The following YDJC variants were observed in gnomAD, a reference collection of about 807,000 sequenced individuals.
The protein encoded by YDJC is YdjC chitooligosaccharide deacetylase homolog, also known as carbohydrate deacetylase.
A neutral mutation model predicts 18.9 loss-of-function variants in YDJC; 23 were observed. The observed-to-expected ratio is 1.22, with a 90% CI of 0.87 to 1.72. The LOEUF (loss-of-function observed/expected upper bound fraction) is 1.72, where lower values mean the gene tolerates loss of function less well. Ranked by LOEUF, YDJC falls within the 40% of genes most tolerant of loss-of-function variation. The pLI, the probability that YDJC is intolerant of heterozygous loss-of-function variation, is 0.00. For synonymous variants in YDJC, 224 were observed against 217.6 expected (o/e 1.03, Z -0.26); for missense variants, 467 against 470.8 (o/e 0.99, Z 0.07).
chr22:21,628,869 TGGGA>T, intron 4 of YDJC, 82 bp from the exon 5 acceptor site: 1 of 418,806 alleles, frequency 2.4e-6, no homozygotes, highest in Non-Finnish European at 3.6e-6. Context: ...GACGGCGGGG[TGGGA>T]GGGGGTAACT....
At position 21,628,264 on chromosome 22, in the gene YDJC, G is replaced by C; in HGVS notation, c.*154C>G. The C allele has an allele frequency of 9.3e-7, 1 of 1,076,948 alleles. No homozygotes were observed. Among genetic ancestry groups the C allele is most frequent in the Non-Finnish European group, 1.3e-6 (1 of 794,322 alleles). The allele number at this position is 1,076,948 out of a possible 1,614,324, so 66.7% of individuals were successfully genotyped here. A position where few individuals can be genotyped will look rare whatever the true frequency, so the allele number is the denominator to read the frequency against. ...CTGCTCAAACTCTAGATGCCATTTG[G>C]AGGCATGAGGACCTGAGCCCAGAGG... is the stretch of plus-strand genomic sequence containing the variant. On this transcript the variant is annotated 3_prime_UTR_variant, in exon 5 of 5. Coordinates refer to ENST00000292778, the MANE Select transcript of YDJC (RefSeq NM_001017964.2).
At chr22:21,629,817 C>T in intron 1 of YDJC, 34 bp downstream of exon 1, 7 of 1,497,718 alleles carry the variant, frequency 4.7e-6, no homozygotes, top group Non-Finnish European at 6.2e-6. Flanking sequence ...GCGCCCCAAG[C>T]CGATCGCCGC....
rs200854366 is a variant in YDJC at position 21,629,404 on chromosome 22, G to C, written c.328C>G (p.Arg110Gly). The C allele has an allele frequency of 6.5e-4, 1,004 of 1,547,482 alleles. 6 individuals are homozygous for C. The African/African-American group carries it at 0.012, about 18-fold the overall frequency. ...CTTAGTTGGGCCTCGAGCTCCTCCC[G>C]CACCTAGAGGGCGAGCGAGAGACAC... is the stretch of plus-strand genomic sequence containing the variant. ...AAGDVDLPQV[R>G]EELEAQLSCF... Residue 110 changes from arginine (R) to glycine (G), a missense_variant, in exon 3 of 5, where the codon CGG (arginine) becomes GGG (glycine). Coordinates refer to ENST00000292778, the MANE Select transcript of YDJC (RefSeq NM_001017964.2).
At position 21,629,854 on chromosome 22, in the gene YDJC, C is replaced by A. The variant is rs1038790449; in HGVS notation, c.161G>T (p.Arg54Leu). The A allele has an allele frequency of 6.4e-7, 1 of 1,553,588 alleles. No homozygotes were observed. The highest frequency in any genetic ancestry group is 8.7e-7 in the Non-Finnish European group (1 of 1,155,074). The stretch of plus-strand genomic sequence containing the variant: ...CTGCTAGAGGCCCTCCCCTCACCTG[C>A]GGGCCAGCTCCGCCGCGCTCTCCGT... ...AATESAAELA[R>L]RHSIPTGLHA... The change falls in exon 1 of 5, where the codon CGC becomes CTC. Residue 54 changes from arginine (R) to leucine (L), a missense_variant. Arg to Leu is a moderately radical substitution (Grantham distance 102). Coordinates refer to ENST00000292778, the MANE Select transcript of YDJC (RefSeq NM_001017964.2).
Position 21,629,719 on chromosome 22 carries a change from G to T in YDJC, c.207C>A (p.Gly69=), listed in dbSNP as rs1235607487. ...CACGGCGGGCCGGACCCACGGGGCG[G>T]CCCTCGGACAGGTTGGCGTGGAGGC... ...PTGLHANLSE[G]RPVGPARRGA... The change falls in exon 2 of 5, where the codon GGC becomes GGA. Residue 69 remains glycine (G), a synonymous_variant. Coordinates refer to ENST00000292778, the MANE Select transcript of YDJC (RefSeq NM_001017964.2). The T allele has an allele frequency of 1.1e-5, 18 of 1,574,750 alleles. No homozygotes were observed. In the East Asian group the frequency reaches 3.5e-4, roughly 30 times the overall value.
chr22:21,629,975 C>T lies in YDJC; in HGVS notation c.40G>A (p.Asp14Asn). The stretch of plus-strand genomic sequence containing the variant: ...TCGCGTCGCGGGCAGTAACCAAAGT[C>T]GTCCGCGGTGACCACCAGGCGCATG... ...PRMRLVVTAD[D>N]FGYCPRRDEG... The change falls in exon 1 of 5, where the codon GAC (aspartate) becomes AAC (asparagine). Residue 14 changes from aspartate (D) to asparagine (N), a missense_variant. Asp to Asn is a conservative substitution (Grantham distance 23). Coordinates refer to ENST00000292778, the MANE Select transcript of YDJC (RefSeq NM_001017964.2). The T allele has an allele frequency of 6.2e-7, 1 of 1,603,034 alleles. No homozygotes were observed. The highest frequency in any genetic ancestry group is 8.5e-7 in the Non-Finnish European group (1 of 1,178,000).
Position 21,628,476 on chromosome 22 carries a change from C to G in YDJC, c.914G>C (p.Gly305Ala). 1 of 1,604,052 alleles carries G rather than the reference C, an allele frequency of 6.2e-7. No homozygotes were observed. The highest frequency in any genetic ancestry group is 1.1e-5 in the South Asian group (1 of 89,844). Residue 305 changes from glycine to alanine, a missense_variant, in exon 5 of 5, where the codon GGG becomes GCG. Gly to Ala is a moderately conservative substitution (Grantham distance 60). Transcript: ENST00000292778. ...ALDDLDSKRP[G>A]EEVPCEPTLE... ...AGTGGGCTCACAGGGGACCTCCTCCCCTGGCCTCTTGGAGTCCAGGTCGTC... is the reference window on the plus strand; with the variant it reads ...AGTGGGCTCACAGGGGACCTCCTCCGCTGGCCTCTTGGAGTCCAGGTCGTC...
At chr22:21,628,854 G>A in intron 4 of YDJC, 67 bp from the exon 5 acceptor site, 2 of 1,044,476 alleles carry the variant, frequency 1.9e-6, no homozygotes, top group Non-Finnish European at 2.5e-6. Context: ...GTAGGCTAGG[G>A]AAGGGACGGC....
In YDJC at chr22:21,628,553, C is replaced by T. The variant is rs376070022; in HGVS notation, c.837G>A (p.Ala279=). 1 of 1,611,196 alleles carries T rather than the reference C, an allele frequency of 6.2e-7. No homozygotes were observed. Among genetic ancestry groups the T allele is most frequent in the African/African-American group, 1.3e-5 (1 of 74,908 alleles). ...ERLHELRVLT[A]PTLRAQLAQD... The stretch of plus-strand genomic sequence containing the variant: ...GGGCAAGCTGGGCCCGCAGCGTGGG[C>T]GCGGTGAGGACGCGCAGCTCATGCA... Residue 279 remains alanine (A), a synonymous_variant, in exon 5 of 5, where the codon GCG becomes GCA. Transcript: ENST00000292778.
Position 21,628,334 on chromosome 22 carries a change from C to A in YDJC, c.*84G>T. Reference sequence around the variant, plus strand: ...GAAGTCAACAGATCGTGCTCCAGGTCCCAGCTCTGGGCTGGGCCAGGACTA... The same window carrying A: ...GAAGTCAACAGATCGTGCTCCAGGTACCAGCTCTGGGCTGGGCCAGGACTA... On this transcript the variant is annotated 3_prime_UTR_variant, in exon 5 of 5. Coordinates refer to ENST00000292778, the MANE Select transcript of YDJC (RefSeq NM_001017964.2). The A allele has an allele frequency of 6.9e-7, 1 of 1,455,768 alleles. No individual in the cohort carries two copies. The allele number at this position is 1,455,768 out of a possible 1,614,324, so 90.2% of individuals were successfully genotyped here. A position where few individuals can be genotyped will look rare whatever the true frequency, so the allele number is the denominator to read the frequency against.
chr22:21,628,226 G>T lies in YDJC; in HGVS notation c.*192C>A. ...CCGCTGCCACAGGCTAGGCCTGCCTGCAGCCAAGAAGGCTGCTCAAACTCT... is the reference window on the plus strand; with the variant it reads ...CCGCTGCCACAGGCTAGGCCTGCCTTCAGCCAAGAAGGCTGCTCAAACTCT... On this transcript the variant is annotated 3_prime_UTR_variant, in exon 5 of 5. Transcript: ENST00000292778. 1.3e-6 allele frequency: 1 copy of T among 775,524 alleles called. No individual in the cohort carries two copies. The highest frequency in any genetic ancestry group is 1.9e-6 in the Non-Finnish European group (1 of 539,344). The allele number at this position is 775,524 out of a possible 1,614,324, so 48.0% of individuals were successfully genotyped here. A position where few individuals can be genotyped will look rare whatever the true frequency, so the allele number is the denominator to read the frequency against.
In YDJC at chr22:21,629,131, G is replaced by A; in HGVS notation, c.481C>T (p.Leu161=). ...CCACCCACACCGCGCTCCAGCGGCA[G>A]TCGCGTAAAGCGCACCCCATAGGCC... ...LQAYGVRFTR[L]PLERGVGGCT... Residue 161 remains leucine (L), a synonymous_variant, in exon 4 of 5, where the codon CTG becomes TTG. Coordinates refer to ENST00000292778, the MANE Select transcript of YDJC (RefSeq NM_001017964.2). 1.3e-6 allele frequency: 2 copies of A among 1,539,198 alleles called. 1 individual carries two copies. The highest frequency in any genetic ancestry group is 2.4e-5 in the South Asian group (2 of 83,962).
chr22:21,628,938 A>G (rs1029871769), intron 4 of YDJC, 72 bp downstream of exon 4: 6 of 1,433,566 alleles, frequency 4.2e-6, no homozygotes, highest in Non-Finnish European at 5.5e-6. Context: ...AAACGGACAC[A>G]GCTAGCCAGG....
rs1297017429 is a variant in YDJC, at chr22:21,629,083, C to CG, written c.528dup (p.Ala177ArgfsTer83). 5 of 1,534,932 alleles carry CG rather than the reference C, an allele frequency of 3.3e-6. No individual in the cohort carries two copies. Among genetic ancestry groups the CG allele is most frequent in the East Asian group, 4.9e-5 (2 of 40,840 alleles). On this transcript the variant is annotated frameshift_variant, in exon 4 of 5. Transcript: ENST00000292778. LOFTEE classifies it high-confidence loss of function. ...TCCACGGCGCAGGCGAAGGCACGCG[C>CG]GGGGGCCTCCAGCCAAGTGCAGCCA... is the stretch of plus-strand genomic sequence containing the variant.
In YDJC at chr22:21,628,405, T is replaced by C; in HGVS notation, c.*13A>G. On this transcript the variant is annotated 3_prime_UTR_variant, in exon 5 of 5. Coordinates refer to ENST00000292778, the MANE Select transcript of YDJC (RefSeq NM_001017964.2). ...GGTACTAAGGGGATTAGTGCTTGGT[T>C]GTCTGTAGGGGGTCAGAGTAGGGAG... The C allele has an allele frequency of 3.9e-6, 6 of 1,524,450 alleles. No homozygotes were observed. Among genetic ancestry groups the C allele is most frequent in the Non-Finnish European group, 5.3e-6 (6 of 1,132,666 alleles). The allele number at this position is 1,524,450 out of a possible 1,614,324, so 94.4% of individuals were successfully genotyped here.
rs1930316817 is a variant in YDJC, at chr22:21,628,223, C to T, written c.*195G>A. On this transcript the variant is annotated 3_prime_UTR_variant, in exon 5 of 5. Transcript: ENST00000292778. Reference sequence around the variant, plus strand: ...AGCCCGCTGCCACAGGCTAGGCCTGCCTGCAGCCAAGAAGGCTGCTCAAAC... The same window carrying T: ...AGCCCGCTGCCACAGGCTAGGCCTGTCTGCAGCCAAGAAGGCTGCTCAAAC... 1.3e-6 allele frequency: 1 copy of T among 746,696 alleles called. No homozygotes were observed. Among genetic ancestry groups the T allele is most frequent in the East Asian group, 3.0e-5 (1 of 33,448 alleles). The allele number at this position is 746,696 out of a possible 1,614,324, so 46.3% of individuals were successfully genotyped here.
Position 21,629,060 on chromosome 22 carries a change from C to T in YDJC, c.552G>A (p.Val184=). The change falls in exon 4 of 5, where the codon GTG becomes GTA. Residue 184 remains valine (V), a synonymous_variant. Transcript: ENST00000292778. ...EAPARAFACA[V]ERDARAAVGP... is the part of the protein sequence containing the mutation. ...CCACGGCGGCCCGGGCGTCGCGCTC[C>T]ACGGCGCAGGCGAAGGCACGCGCGG... is the stretch of plus-strand genomic sequence containing the variant. 1.3e-6 allele frequency: 2 copies of T among 1,527,094 alleles called. No individual in the cohort carries two copies. The highest frequency in any genetic ancestry group is 1.8e-6 in the Non-Finnish European group (2 of 1,142,490). 94.6% of individuals were successfully genotyped at this position (1,527,094 alleles called of 1,614,324 possible). A position where few individuals can be genotyped will look rare whatever the true frequency, so the allele number is the denominator to read the frequency against.
chr22:21,628,409 T>C lies in YDJC; in HGVS notation c.*9A>G. 1 of 1,528,872 alleles carries C rather than the reference T, an allele frequency of 6.5e-7. No homozygotes were observed. Among genetic ancestry groups the C allele is most frequent in the Non-Finnish European group, 8.8e-7 (1 of 1,134,496 alleles). 94.7% of individuals were successfully genotyped at this position (1,528,872 alleles called of 1,614,324 possible). A position where few individuals can be genotyped will look rare whatever the true frequency, so the allele number is the denominator to read the frequency against. Reference sequence around the variant, plus strand: ...CTAAGGGGATTAGTGCTTGGTTGTCTGTAGGGGGTCAGAGTAGGGAGGGTT... The same window carrying C: ...CTAAGGGGATTAGTGCTTGGTTGTCCGTAGGGGGTCAGAGTAGGGAGGGTT... On this transcript the variant is annotated 3_prime_UTR_variant, in exon 5 of 5. Transcript: ENST00000292778.
intron 2 of YDJC, 57 bp downstream of exon 2, chr22:21,629,544 CT>C: frequency 6.2e-7 from 1 of 1,610,006 alleles, no homozygotes; most frequent in Non-Finnish European, 8.5e-7. Flanking sequence ...TCACAGTACC[CT>C]CCGGGCGGAG....
Sources: allele counts gnomAD v4.1 joint callset, GRCh38; gene constraint gnomAD v4.1.1; transcripts MANE v1.5; gene names NCBI Gene and HGNC (gene_info 2026-07-23, HGNC 2026-07-21).